Variants in NBPF26 observed in about 807,000 individuals in gnomAD.
NBPF26 encodes the protein NBPF family member NBPF26.
In NBPF26, 79 loss-of-function variants were observed where a neutral mutation model predicts 119.6. The observed-to-expected ratio is 0.66, with a 90% CI of 0.55 to 0.80. NBPF26 has a LOEUF of 0.80. Ranked by LOEUF, NBPF26 falls within the 30% of genes least tolerant of loss-of-function variation. The pLI is 0.00. For synonymous variants in NBPF26, 299 were observed against 457.7 expected, an observed-to-expected ratio of 0.65 and a Z score of 4.43; for missense variants, 800 against 1,198.2, an observed-to-expected ratio of 0.67 and a Z score of 4.91.
intron 2 of NBPF26, among the ~76,000 whole-genome samples, chr1:120,781,112 C>CA (rs1383493170): frequency 1.4e-4 from 2 of 14,620 alleles, no homozygotes; most frequent in Admixed American, 8.5e-4. Context: ...TTATTGGGTT[C>CA]AAAAAACATG....
chr1:120,812,187 T>C, intron 10 of NBPF26, 92 bp downstream of exon 10: 1 of 897,284 alleles, frequency 1.1e-6, no homozygotes, highest in South Asian at 1.4e-5. Flanking sequence ...AAAAATAATG[T>C]CATCCTCCCC....
At chr1:120,816,854 T>C in intron 14 of NBPF26, 27 bp downstream of exon 14, 1 of 1,450,604 alleles carries the variant, frequency 6.9e-7, no homozygotes, top group Non-Finnish European at 9.2e-7. Context: ...TTGTGTCTCA[T>C]ACCTCTTTCT....
At chr1:120,818,555 G>C (rs1274749710) in intron 15 of NBPF26, among the ~76,000 whole-genome samples, 1 of 125,638 alleles carries the variant, frequency 8.0e-6, no homozygotes, top group Non-Finnish European at 1.6e-5. Flanking sequence ...TGCTTCTCTC[G>C]TTATTTTAAT....
At chr1:120,805,839 T>C in intron 5 of NBPF26, 74 bp downstream of exon 5, 2 of 1,150,788 alleles carry the variant, frequency 1.7e-6, no homozygotes, top group Non-Finnish European at 2.4e-6. Context: ...CTAAATGCTC[T>C]CTCCATCAAA....
In NBPF26 at chr1:120,794,915, A is replaced by G. The variant is rs1236413144; in HGVS notation, c.751+1419A>G. Among the ~76,000 whole-genome samples, 10 of 34,944 alleles carry G rather than the reference A, an allele frequency of 2.9e-4. 4 individuals carry two copies. Among genetic ancestry groups the G allele is most frequent in the East Asian group, 1.3e-3 (2 of 1,532 alleles). The allele number at this position is 34,944 out of a possible 152,430, so 22.9% of individuals were successfully genotyped here. ...CTTGTAGAAGAAGTAACTAAAATAC[A>G]TCTGTCTTCACTCCTGTATTTGTTT... On this transcript the variant is annotated intron_variant, in intron 4 of 29. Coordinates refer to ENST00000620612, the Ensembl canonical transcript of NBPF26.
intron 9 of NBPF26, 59 bp from the exon 10 acceptor site, chr1:120,811,827 A>G: frequency 2.8e-6 from 2 of 711,844 alleles, no homozygotes; most frequent in Non-Finnish European, 4.8e-6. Context: ...AGTCCTGATT[A>G]AGCCTATTTG....
Position 120,793,591 on chromosome 1 carries a change from G to A in NBPF26, c.751+95G>A. The A allele has an allele frequency of 8.4e-6, 8 of 953,526 alleles. 3 individuals are homozygous for A. Among genetic ancestry groups the A allele is most frequent in the Middle Eastern group, 2.2e-4 (1 of 4,462 alleles). 59.1% of individuals were successfully genotyped at this position (953,526 alleles called of 1,614,324 possible). ...AATTGCATTTTTTAGGAAGCGCAAGGAAAAAGGGAAGTGAGAATTTTGTGT... is the reference window on the plus strand; with the variant it reads ...AATTGCATTTTTTAGGAAGCGCAAGAAAAAAGGGAAGTGAGAATTTTGTGT... On this transcript the variant is annotated intron_variant, in intron 4 of 29. Coordinates refer to ENST00000620612, the Ensembl canonical transcript of NBPF26.
In NBPF26 at chr1:120,779,675, T is replaced by C. The variant is rs1428775929; in HGVS notation, c.156-5299T>C. Among the ~76,000 whole-genome samples the C allele has an allele frequency of 8.1e-5, 10 of 123,034 alleles. 1 individual carries two copies. The highest frequency in any genetic ancestry group is 7.8e-4 in the Admixed American group (10 of 12,780). 80.7% of individuals were successfully genotyped at this position (123,034 alleles called of 152,430 possible). Reference sequence around the variant, plus strand: ...CCAAAATGTGTGCTGGGTAGCTTAATGGAATTATAGATATGTAAGGGGTGT... The same window carrying C: ...CCAAAATGTGTGCTGGGTAGCTTAACGGAATTATAGATATGTAAGGGGTGT... On this transcript the variant is annotated intron_variant, in intron 2 of 29. Coordinates refer to ENST00000620612, the Ensembl canonical transcript of NBPF26.
exon 12 of NBPF26, chr1:120,814,882 A>G: frequency 8.0e-7 from 1 of 1,257,120 alleles, no homozygotes; most frequent in East Asian, 2.3e-5. Context: ...CAGTTAAGGG[A>G]GAAGTTGCGG....
At chr1:120,820,443 T>C (rs1201013164) in intron 15 of NBPF26, among the ~76,000 whole-genome samples, 1 of 18,520 alleles carries the variant, frequency 5.4e-5, no homozygotes, top group African/African-American at 2.3e-4. Flanking sequence ...CTTAAAGTAT[T>C]AAAAATATAT....
At chr1:120,781,857 T>TTGATATTCAAACAGGAGCAGCA in intron 2 of NBPF26, among the ~76,000 whole-genome samples, 1 of 116,794 alleles carries the variant, frequency 8.6e-6, no homozygotes, top group East Asian at 2.1e-4. Flanking sequence ...CGCACCTGGC[T>TTGATATTCAAACAGGAGCAGCA]TAGCTGTAAA....
At chr1:120,724,416 CT>C (rs1170229447) in intron 1 of NBPF26, among the ~76,000 whole-genome samples, 166 bp downstream of exon 1, 2 of 120,542 alleles carry the variant, frequency 1.7e-5, no homozygotes, top group African/African-American at 9.3e-5. Context: ...CCGGGGGCCC[CT>C]CCCGTGGTGC....
In NBPF26 at chr1:120,793,531, C is replaced by G; in HGVS notation, c.751+35C>G. The G allele has an allele frequency of 2.7e-6, 3 of 1,117,676 alleles. 1 individual carries two copies. Among genetic ancestry groups the G allele is most frequent in the Non-Finnish European group, 3.8e-6 (3 of 792,832 alleles). The allele number at this position is 1,117,676 out of a possible 1,614,324, so 69.2% of individuals were successfully genotyped here. A position where few individuals can be genotyped will look rare whatever the true frequency, so the allele number is the denominator to read the frequency against. On this transcript the variant is annotated intron_variant, in intron 4 of 29. Coordinates refer to ENST00000620612, the Ensembl canonical transcript of NBPF26. ...TCCCTAGTGTCCCAGGATTAGGGGA[C>G]AAACCCCTAGCACAGGAGGTAGTGG... is the stretch of plus-strand genomic sequence containing the variant.
At chr1:120,808,266 CT>C (rs1472182109) in intron 6 of NBPF26, among the ~76,000 whole-genome samples, 1 of 116,686 alleles carries the variant, frequency 8.6e-6, no homozygotes, top group Non-Finnish European at 1.7e-5. Context: ...GAAAGGATGT[CT>C]TTTTGAAACG....
chr1:120,812,120 C>A lies in NBPF26; in HGVS notation c.1774+25C>A. ...AGTAAGATCTATTGGCTCACCATCA[C>A]GAAAGTGATGAACGAGGTCCTGTCT... On this transcript the variant is annotated intron_variant, in intron 10 of 29. Coordinates refer to ENST00000620612, the Ensembl canonical transcript of NBPF26. The A allele has an allele frequency of 4.6e-6, 5 of 1,098,652 alleles. 2 individuals carry two copies. Among genetic ancestry groups the A allele is most frequent in the Non-Finnish European group, 3.8e-6 (3 of 783,108 alleles). The allele number at this position is 1,098,652 out of a possible 1,614,324, so 68.1% of individuals were successfully genotyped here.
rs1342466325 is a variant in NBPF26 at position 120,814,727 on chromosome 1, G to A, written c.1878-102G>A. On this transcript the variant is annotated intron_variant, in intron 11 of 29. Transcript: ENST00000620612. ...TAAACATGTGCTGACCTTCTGCTTC[G>A]AGGTCTCCTTGAGGACATTGTCTCA... 31 of 668,346 alleles carry A rather than the reference G, an allele frequency of 4.6e-5. 8 individuals carry two copies. The highest frequency in any genetic ancestry group is 2.2e-4 in the African/African-American group (8 of 37,198). 41.4% of individuals were successfully genotyped at this position (668,346 alleles called of 1,614,324 possible).
Position 120,819,201 on chromosome 1 carries a change from C to T in NBPF26, c.2423+1027C>T, listed in dbSNP as rs1387387454. Among the ~76,000 whole-genome samples the T allele has an allele frequency of 3.2e-5, 4 of 123,374 alleles. 1 individual carries two copies. Among genetic ancestry groups the T allele is most frequent in the African/African-American group, 1.6e-4 (4 of 25,374 alleles). The allele number at this position is 123,374 out of a possible 152,430, so 80.9% of individuals were successfully genotyped here. A position where few individuals can be genotyped will look rare whatever the true frequency, so the allele number is the denominator to read the frequency against. On this transcript the variant is annotated intron_variant, in intron 15 of 29. Transcript: ENST00000620612. ...TATATATTTAGGATAGTTAACTCTT[C>T]TTGTTGAATTGATCCCTTTACCATT...
At chr1:120,820,447 A>AATATATATAT (rs1229895629) in intron 15 of NBPF26, among the ~76,000 whole-genome samples, 45 of 10,822 alleles carry the variant, frequency 4.2e-3, no homozygotes, top group African/African-American at 6.0e-3. Flanking sequence ...AAGTATTAAA[A>AATATATATAT]ATATATATAT....
intron 2 of NBPF26, among the ~76,000 whole-genome samples, chr1:120,764,050 C>G (rs1297983247): frequency 8.9e-6 from 1 of 112,688 alleles, no homozygotes; most frequent in East Asian, 2.2e-4. Context: ...AGTTCAAGAT[C>G]AGCCTGGCCA....
Sources: gnomAD v4.1 joint callset for allele counts (sites outside exome capture counted in the v4.1 genomes callset) on GRCh38, gnomAD v4.1.1 for gene constraint, MANE v1.5 for transcripts, NCBI Gene and HGNC (gene_info 2026-07-23, HGNC 2026-07-21) for gene names.